The following SRPK2 variants were observed in gnomAD, a reference collection of about 807,000 sequenced individuals.
The protein encoded by SRPK2 is SRSF protein kinase 2, also known as SFRS protein kinase 2.
In SRPK2, 21 loss-of-function variants were observed where a neutral mutation model predicts 90.8. The observed-to-expected ratio is 0.23, with a 90% CI of 0.16 to 0.33. The LOEUF is 0.33. SRPK2 is among the 10% of genes least tolerant of loss of function. The probability of loss-of-function intolerance (pLI) is 1.00; values close to 1 mark genes in which losing one functional copy is unlikely to be tolerated. For synonymous variants in SRPK2, 288 were observed against 311.1 expected, an observed-to-expected ratio of 0.93 and a Z score of 0.78; for missense variants, 620 against 869.0, an observed-to-expected ratio of 0.71 and a Z score of 3.60.
At chr7:105,305,884 G>A (rs150697410) in intron 2 of SRPK2, among the ~76,000 whole-genome samples, 9 of 152,312 alleles carry the variant, frequency 5.9e-5, no homozygotes, top group Non-Finnish European at 1.2e-4. Context: ...AACAAGTTCT[G>A]GACTTTGAGG....
intron 7 of SRPK2, among the ~76,000 whole-genome samples, chr7:105,155,827 G>A (rs902069823): frequency 2.0e-5 from 3 of 152,174 alleles, no homozygotes; most frequent in Admixed American, 6.5e-5. Flanking sequence ...GATAAAAAAC[G>A]GAAAGGTGCC....
chr7:105,374,051 C>G (rs1820009975), intron 2 of SRPK2, among the ~76,000 whole-genome samples: 1 of 152,164 alleles, frequency 6.6e-6, no homozygotes, highest in Non-Finnish European at 1.5e-5. Flanking sequence ...TCTCAGCCTC[C>G]CAAGTAGCTG....
chr7:105,360,765 G>C (rs1009401725), intron 2 of SRPK2, among the ~76,000 whole-genome samples: 3 of 152,106 alleles, frequency 2.0e-5, no homozygotes, highest in African/African-American at 7.2e-5. Context: ...CCCTTTGTGG[G>C]TAACCCGACA....
At chr7:105,362,250 A>C (rs1211101022) in intron 2 of SRPK2, among the ~76,000 whole-genome samples, 1 of 152,216 alleles carries the variant, frequency 6.6e-6, no homozygotes, top group Non-Finnish European at 1.5e-5. Context: ...TGGCCATCAG[A>C]GAAATGCAAA....
upstream of SRPK2, chr7:105,389,212 TCC>T: frequency 8.4e-7 from 1 of 1,186,270 alleles, no homozygotes; most frequent in South Asian, 1.5e-5. Flanking sequence ...CGCGGGACCC[TCC>T]CTCCCCGCCG....
At chr7:105,385,171 ATTTTTT>A (rs767913304) in intron 2 of SRPK2, among the ~76,000 whole-genome samples, 20 of 49,684 alleles carry the variant, frequency 4.0e-4, no homozygotes, top group Admixed American at 1.9e-3. Context: ...CGCGCCCGGC[ATTTTTT>A]TTTTTTTTTT....
At chr7:105,196,589 T>C (rs1199100418) in intron 3 of SRPK2, among the ~76,000 whole-genome samples, 4 of 152,158 alleles carry the variant, frequency 2.6e-5, no homozygotes, top group Non-Finnish European at 5.9e-5. Context: ...TCTCCAAACA[T>C]TCACAAATGG....
intron 6 of SRPK2, among the ~76,000 whole-genome samples, chr7:105,162,848 A>G (rs902536265): frequency 6.6e-6 from 1 of 152,252 alleles, no homozygotes; most frequent in Non-Finnish European, 1.5e-5. Flanking sequence ...ACTAGAACGT[A>G]TATTTCAAAA....
At chr7:105,298,276 T>C (rs1267511055) in intron 2 of SRPK2, among the ~76,000 whole-genome samples, 1 of 152,196 alleles carries the variant, frequency 6.6e-6, no homozygotes, top group Non-Finnish European at 1.5e-5. Flanking sequence ...ATAATGCCTT[T>C]AAAGATGCAT....
chr7:105,350,450 A>T (rs1186649879), intron 2 of SRPK2, among the ~76,000 whole-genome samples: 1 of 151,172 alleles, frequency 6.6e-6, no homozygotes, highest in Non-Finnish European at 1.5e-5. Context: ...ATCTTGATAC[A>T]GCTGGCATTA....
intron 7 of SRPK2, among the ~76,000 whole-genome samples, chr7:105,148,870 T>C (rs945344005): frequency 3.3e-5 from 5 of 152,242 alleles, no homozygotes; most frequent in African/African-American, 1.2e-4. Context: ...CTGCAGGACA[T>C]GCCTTGTTAA....
chr7:105,337,217 T>C (rs1238293532), intron 2 of SRPK2, among the ~76,000 whole-genome samples: 1 of 152,148 alleles, frequency 6.6e-6, no homozygotes. Flanking sequence ...AAAATTCGTA[T>C]GTTGAAGCCT....
chr7:105,336,055 T>C (rs952362868), intron 2 of SRPK2, among the ~76,000 whole-genome samples: 2 of 152,224 alleles, frequency 1.3e-5, no homozygotes, highest in Non-Finnish European at 2.9e-5. Flanking sequence ...AATGTTTATT[T>C]ATGAAAAAAA....
intron 2 of SRPK2, among the ~76,000 whole-genome samples, chr7:105,347,868 AAAAG>A (rs1313029998): frequency 5.9e-5 from 9 of 151,798 alleles, no homozygotes; most frequent in South Asian, 2.1e-4. Context: ...AAAAAAAAAA[AAAAG>A]AAAGAAAAGC....
At chr7:105,121,096 C>T (rs1293070783) in intron 15 of SRPK2, among the ~76,000 whole-genome samples, 1 of 152,170 alleles carries the variant, frequency 6.6e-6, no homozygotes, top group African/African-American at 2.4e-5. Flanking sequence ...GACTGTAATT[C>T]CAGCACTCTG....
chr7:105,212,555 A>G (rs1796985747), intron 2 of SRPK2, among the ~76,000 whole-genome samples: 1 of 152,184 alleles, frequency 6.6e-6, no homozygotes, highest in Admixed American at 6.5e-5. Flanking sequence ...GCATAGGAAT[A>G]ATCCACAATT....
At chr7:105,380,171 G>A (rs929160224) in intron 2 of SRPK2, among the ~76,000 whole-genome samples, 5 of 152,124 alleles carry the variant, frequency 3.3e-5, no homozygotes, top group Admixed American at 1.3e-4. Context: ...TCACTGCGTC[G>A]CCCAGGCTGG....
chr7:105,295,102 C>G (rs1809610622), intron 2 of SRPK2, among the ~76,000 whole-genome samples: 1 of 151,694 alleles, frequency 6.6e-6, no homozygotes, highest in South Asian at 2.1e-4. Flanking sequence ...GTCCCAGCTA[C>G]TCAGGAGGCT....
intron 2 of SRPK2, among the ~76,000 whole-genome samples, chr7:105,377,458 G>A (rs575444358): frequency 7.2e-5 from 11 of 152,018 alleles, no homozygotes; most frequent in African/African-American, 1.5e-4. Flanking sequence ...TTTGGGGGGC[G>A]GAGGAGGGTG....
Sources: gnomAD v4.1 joint callset for allele counts (sites outside exome capture counted in the v4.1 genomes callset) on GRCh38, gnomAD v4.1.1 for gene constraint, MANE v1.5 for transcripts, NCBI Gene and HGNC (gene_info 2026-07-23, HGNC 2026-07-21) for gene names.